The following HECW1 variants were observed in gnomAD, a reference collection of about 807,000 sequenced individuals.
HECW1 encodes E3 ubiquitin-protein ligase HECW1.
A neutral mutation model predicts 182.3 loss-of-function variants in HECW1; 61 were observed. That is an observed-to-expected ratio of 0.33 (90% CI 0.27 to 0.41). HECW1 has a LOEUF of 0.41. Ranked by LOEUF, HECW1 falls within the 10% of genes least tolerant of loss-of-function variation. The pLI is 1.00. For synonymous variants in HECW1, 859 were observed against 832.6 expected (o/e 1.03, Z -0.55); for missense variants, 1,739 against 2,108.9 (o/e 0.82, Z 3.44).
intron 2 of HECW1, among the ~76,000 whole-genome samples, chr7:43,142,798 G>A (rs968499226): frequency 3.9e-5 from 6 of 152,188 alleles, no homozygotes; most frequent in Non-Finnish European, 7.3e-5. Context: ...GCTCAGAAGC[G>A]GGGTTCCGGC....
intron 2 of HECW1, among the ~76,000 whole-genome samples, chr7:43,175,472 A>G (rs1045224995): frequency 1.3e-5 from 2 of 152,224 alleles, no homozygotes. Flanking sequence ...GAACATTGTC[A>G]TTATTTTTAA....
At chr7:43,513,733 T>C (rs1476700300) in intron 24 of HECW1, among the ~76,000 whole-genome samples, 1 of 152,224 alleles carries the variant, frequency 6.6e-6, no homozygotes, top group Non-Finnish European at 1.5e-5. Flanking sequence ...TTGTTTTGTT[T>C]TGTTGCCTTT....
chr7:43,158,956 C>T (rs1219783870), intron 2 of HECW1, among the ~76,000 whole-genome samples: 3 of 152,158 alleles, frequency 2.0e-5, no homozygotes, highest in African/African-American at 7.2e-5. Flanking sequence ...CTGGGCATCA[C>T]TCTCCAGAGG....
intron 3 of HECW1, among the ~76,000 whole-genome samples, chr7:43,305,069 G>T (rs1301259132): frequency 6.6e-6 from 1 of 152,204 alleles, no homozygotes; most frequent in Admixed American, 6.5e-5. Context: ...GCTTCCCCTA[G>T]AAGTGACTGA....
intron 2 of HECW1, among the ~76,000 whole-genome samples, chr7:43,199,771 G>T (rs1794863840): frequency 6.6e-6 from 1 of 152,030 alleles, no homozygotes; most frequent in Non-Finnish European, 1.5e-5. Context: ...GTAGGAAGGG[G>T]CTTTTATTTC....
chr7:43,481,015 G>A (rs1266755853), intron 17 of HECW1, among the ~76,000 whole-genome samples: 2 of 152,154 alleles, frequency 1.3e-5, no homozygotes, highest in African/African-American at 2.4e-5. Context: ...TCATGGAGTC[G>A]TCTTAAGTAT....
chr7:43,178,968 A>G (rs575811090), intron 2 of HECW1, among the ~76,000 whole-genome samples: 3 of 152,366 alleles, frequency 2.0e-5, no homozygotes, highest in South Asian at 2.1e-4. Flanking sequence ...ATTCATATTC[A>G]CCAAGCACTG....
chr7:43,382,975 C>T (rs1248477296), intron 6 of HECW1, among the ~76,000 whole-genome samples: 5 of 152,128 alleles, frequency 3.3e-5, no homozygotes, highest in African/African-American at 1.2e-4. Flanking sequence ...TGTTCCCTTC[C>T]CTGTGTCCAT....
rs1585316355 is a variant in HECW1 at position 43,562,959 on chromosome 7, C to T, written c.*1033C>T. On this transcript the variant is annotated 3_prime_UTR_variant, in exon 30 of 30. Transcript: ENST00000395891. ...TTGTTAAAGCCATGACTTTTGTTTG[C>T]TTGGCAGACAAACCCTTTTTTTAAA... 2 of 211,062 alleles carry T rather than the reference C, an allele frequency of 9.5e-6. No homozygotes were observed. The highest frequency in any genetic ancestry group is 1.4e-4 in the East Asian group (2 of 13,994). 13.1% of individuals were successfully genotyped at this position (211,062 alleles called of 1,614,324 possible).
intron 13 of HECW1, among the ~76,000 whole-genome samples, chr7:43,462,625 G>T (rs778599610): frequency 5.9e-5 from 9 of 152,176 alleles, no homozygotes; most frequent in Non-Finnish European, 1.2e-4. Flanking sequence ...CGTAGCTCAG[G>T]TTGGGGAACC....
intron 2 of HECW1, among the ~76,000 whole-genome samples, chr7:43,228,162 A>G (rs908404194): frequency 6.6e-6 from 1 of 152,214 alleles, no homozygotes; most frequent in African/African-American, 2.4e-5. Flanking sequence ...AATAACGCCC[A>G]GGGAAAATAT....
chr7:43,498,739 G>A (rs1024767446), intron 19 of HECW1, among the ~76,000 whole-genome samples: 3 of 152,064 alleles, frequency 2.0e-5, no homozygotes, highest in Non-Finnish European at 4.4e-5. Flanking sequence ...TCCTGCAACG[G>A]TGCTTCACCC....
At chr7:43,486,274 G>A (rs1419438656) in intron 17 of HECW1, among the ~76,000 whole-genome samples, 1 of 151,904 alleles carries the variant, frequency 6.6e-6, no homozygotes, top group Non-Finnish European at 1.5e-5. Context: ...TCATTGATGG[G>A]CATTTGGGTT....
chr7:43,304,137 G>A (rs570993220), intron 3 of HECW1, among the ~76,000 whole-genome samples: 2 of 152,240 alleles, frequency 1.3e-5, no homozygotes, highest in East Asian at 3.9e-4. Context: ...GGAGGTTTCT[G>A]CTTTTAGACT....
intron 2 of HECW1, among the ~76,000 whole-genome samples, chr7:43,115,148 G>A (rs1257383829): frequency 6.6e-6 from 1 of 152,184 alleles, no homozygotes. Context: ...GTTACCCAGT[G>A]TTGGAAAGGC....
intron 2 of HECW1, among the ~76,000 whole-genome samples, chr7:43,208,235 C>A (rs1434109839): frequency 6.6e-6 from 1 of 152,178 alleles, no homozygotes; most frequent in East Asian, 1.9e-4. Context: ...TCTCTGAAGT[C>A]TGCTCTTTCA....
intron 29 of HECW1, among the ~76,000 whole-genome samples, chr7:43,560,437 C>T (rs1010649904): frequency 1.3e-5 from 2 of 152,120 alleles, no homozygotes; most frequent in African/African-American, 4.8e-5. Flanking sequence ...GCCTTTGGAG[C>T]TTGAGCGGGG....
At chr7:43,180,092 A>G (rs1792670598) in intron 2 of HECW1, among the ~76,000 whole-genome samples, 1 of 152,224 alleles carries the variant, frequency 6.6e-6, no homozygotes, top group Admixed American at 6.5e-5. Flanking sequence ...CCCTTAGCAG[A>G]GTTGGTAACA....
At chr7:43,304,459 G>GTTATTTATTTAT (rs61241516) in intron 3 of HECW1, among the ~76,000 whole-genome samples, 8 of 141,280 alleles carry the variant, frequency 5.7e-5, no homozygotes, top group Non-Finnish European at 1.2e-4. Context: ...ATTCAACACA[G>GTTATTTATTTAT]TTATTTATTT....
Sources: allele counts gnomAD v4.1 joint callset (sites outside exome capture counted in the v4.1 genomes callset), GRCh38; gene constraint gnomAD v4.1.1; transcripts MANE v1.5; gene names NCBI Gene and HGNC (gene_info 2026-07-23, HGNC 2026-07-21).